The following CDH15 variants were observed in gnomAD, a reference collection of about 807,000 sequenced individuals.
CDH15 encodes cadherin 15.
CDH15 carries 73 observed loss-of-function variants against 69.4 expected under a neutral mutation model. The ratio of observed to expected loss-of-function variants is 1.05; its 90% CI spans 0.87 to 1.28. The LOEUF (loss-of-function observed/expected upper bound fraction) is 1.28. CDH15 is among the 50% of genes most tolerant of loss of function. CDH15 has a pLI of 0.00. For missense variants in CDH15, 1,343 were observed against 1,133.6 expected (o/e 1.18, Z -2.65); for synonymous variants, 624 against 507.7 (o/e 1.23, Z -3.08).
Position 89,179,475 on chromosome 16 carries a change from G to A in CDH15, c.102G>A (p.Trp34Ter). 6.2e-7 allele frequency: 1 copy of A among 1,613,578 alleles called. No individual in the cohort carries two copies. The highest frequency in any genetic ancestry group is 8.5e-7 in the Non-Finnish European group (1 of 1,179,920). Residue 34 changes from tryptophan (W) to a stop codon, truncating the protein, a stop_gained, in exon 2 of 14, where the codon TGG becomes TGA. Coordinates refer to ENST00000289746, the MANE Select transcript of CDH15 (RefSeq NM_004933.3). LOFTEE classifies it high-confidence loss of function. ...GWRRPTTLYP[W>*]RRAPALSRVR... ...GGAGGCCCACCACCCTGTACCCCTG[G>A]CGCCGGGCGCCTGCCCTGAGCCGCG...
intron 3 of CDH15, among the ~76,000 whole-genome samples, chr16:89,180,827 C>G (rs1472266548): frequency 6.7e-6 from 1 of 149,992 alleles, no homozygotes; most frequent in African/African-American, 2.5e-5. Flanking sequence ...GGGTTCACGC[C>G]ATTCTCCTGC....
chr16:89,176,638 C>G (rs1915262263), intron 1 of CDH15, among the ~76,000 whole-genome samples: 1 of 142,710 alleles, frequency 7.0e-6, no homozygotes, highest in Admixed American at 7.3e-5. Flanking sequence ...GCTGGGGAGT[C>G]CCGTGAGCCT....
chr16:89,186,707 G>A (rs1477682188), intron 5 of CDH15, among the ~76,000 whole-genome samples: 21 of 130,600 alleles, frequency 1.6e-4, no homozygotes, highest in African/African-American at 5.3e-4. Context: ...AACACCCAGC[G>A]CACAGTAGGT....
chr16:89,175,851 G>A (rs557119048), intron 1 of CDH15, among the ~76,000 whole-genome samples: 11 of 152,346 alleles, frequency 7.2e-5, no homozygotes, highest in African/African-American at 2.6e-4. Flanking sequence ...GCTACTCTCT[G>A]GACTCCCAGG....
intron 1 of CDH15, among the ~76,000 whole-genome samples, chr16:89,177,695 G>GTGCC (rs1358718446): frequency 1.3e-5 from 2 of 152,132 alleles, no homozygotes; most frequent in African/African-American, 4.8e-5. Flanking sequence ...GGCAGACTCT[G>GTGCC]TGCCCCAACG....
At chr16:89,188,609 C>G (rs1275216967) in intron 7 of CDH15, among the ~76,000 whole-genome samples, 1 of 147,510 alleles carries the variant, frequency 6.8e-6, no homozygotes, top group African/African-American at 2.5e-5. Flanking sequence ...CAGATGCCCA[C>G]GCACAGATGC....
chr16:89,181,665 T>C (rs112279104), intron 3 of CDH15, among the ~76,000 whole-genome samples: 4,009 of 148,360 alleles, frequency 0.027, 149 homozygotes, highest in African/African-American at 0.094. Flanking sequence ...GAGGACCGGG[T>C]GCGGTGGCTC....
intron 13 of CDH15, among the ~76,000 whole-genome samples, chr16:89,194,401 C>T (rs1915743102): frequency 6.6e-6 from 1 of 152,238 alleles, no homozygotes; most frequent in Admixed American, 6.5e-5. Context: ...AGAGAAAGCC[C>T]CCAGCCAAGG....
intron 2 of CDH15, among the ~76,000 whole-genome samples, 158 bp from the exon 3 acceptor site, chr16:89,180,042 C>A (rs1371417411): frequency 6.6e-6 from 1 of 152,202 alleles, no homozygotes; most frequent in Admixed American, 6.5e-5. Flanking sequence ...CTGTCCCCAG[C>A]CCAGCACAGC....
chr16:89,187,692 C>T (rs1196592612), intron 6 of CDH15, 135 bp downstream of exon 6: 12 of 1,307,740 alleles, frequency 9.2e-6, no homozygotes, highest in East Asian at 2.5e-5. Context: ...TCCGCGTGGG[C>T]GGGTGGAAGC....
intron 5 of CDH15, among the ~76,000 whole-genome samples, chr16:89,187,165 G>T (rs546280292): frequency 6.6e-6 from 1 of 151,134 alleles, no homozygotes; most frequent in African/African-American, 2.4e-5. Flanking sequence ...CTTACCCAGC[G>T]CACAGTAGGT....
chr16:89,191,995 C>A lies in CDH15; in HGVS notation c.1615+101C>A, dbSNP rs990920382. The A allele has an allele frequency of 3.1e-6, 4 of 1,272,108 alleles. No individual in the cohort carries two copies. In the Admixed American group the frequency reaches 6.3e-5, roughly 20 times the overall value. 78.8% of individuals were successfully genotyped at this position (1,272,108 alleles called of 1,614,324 possible). A position where few individuals can be genotyped will look rare whatever the true frequency, so the allele number is the denominator to read the frequency against. On this transcript the variant is annotated intron_variant, in intron 10 of 13. Transcript: ENST00000289746. ...CAGGAGGGTGAGGGGCATGCAAACC[C>A]GTGGTCCTGCAACAGGTCCCCTCCC...
intron 13 of CDH15, 122 bp downstream of exon 13, chr16:89,194,035 C>G (rs1379715796): frequency 1.8e-6 from 2 of 1,087,632 alleles, no homozygotes; most frequent in Non-Finnish European, 2.7e-6. Context: ...TGGGCCGTCC[C>G]AGAGCACCGC....
chr16:89,184,281 G>A (rs1029435484), intron 4 of CDH15, among the ~76,000 whole-genome samples: 1 of 152,168 alleles, frequency 6.6e-6, no homozygotes, highest in African/African-American at 2.4e-5. Flanking sequence ...CCAGGTGACA[G>A]ACAGCACGTC....
At chr16:89,183,719 G>C in intron 4 of CDH15, 27 bp downstream of exon 4, 2 of 1,569,788 alleles carry the variant, frequency 1.3e-6, no homozygotes, top group Non-Finnish European at 1.7e-6. Context: ...GCCCCGGGCC[G>C]GGAGGGGCTG....
intron 6 of CDH15, among the ~76,000 whole-genome samples, chr16:89,187,786 C>T (rs1915523250): frequency 6.6e-6 from 1 of 152,188 alleles, no homozygotes; most frequent in African/African-American, 2.4e-5. Flanking sequence ...GGAGAAGCAG[C>T]CCATGGGACC....
chr16:89,191,109 T>C (rs1008315080), intron 8 of CDH15, among the ~76,000 whole-genome samples: 1 of 151,152 alleles, frequency 6.6e-6, no homozygotes, highest in African/African-American at 2.4e-5. Flanking sequence ...TATGTGCATG[T>C]GTGTGTGCTG....
intron 1 of CDH15, among the ~76,000 whole-genome samples, chr16:89,179,165 T>C (rs1426694446): frequency 6.6e-6 from 1 of 152,184 alleles, no homozygotes; most frequent in Non-Finnish European, 1.5e-5. Flanking sequence ...GATGGGGGCT[T>C]TGAGGGCCAG....
intron 2 of CDH15, 60 bp from the exon 3 acceptor site, chr16:89,180,140 A>T: frequency 6.3e-7 from 1 of 1,585,580 alleles, no homozygotes. Context: ...GAGGGGCTGC[A>T]GAGAGGGCAG....
Sources: gnomAD v4.1 joint callset for allele counts (sites outside exome capture counted in the v4.1 genomes callset) on GRCh38, gnomAD v4.1.1 for gene constraint, MANE v1.5 for transcripts, NCBI Gene and HGNC (gene_info 2026-07-23, HGNC 2026-07-21) for gene names.